CNTN5: variants seen among roughly 807,000 people sequenced by gnomAD.
CNTN5 encodes the protein contactin 5.
CNTN5 carries 77 observed loss-of-function variants against 129.1 expected under a neutral mutation model. The observed-to-expected ratio is 0.60, with a 90% CI of 0.50 to 0.72. The LOEUF is 0.72. Ranked by LOEUF, CNTN5 falls within the 30% of genes least tolerant of loss-of-function variation. The probability of loss-of-function intolerance (pLI) is 0.00; values close to 1 mark genes in which losing one functional copy is unlikely to be tolerated. For synonymous variants in CNTN5, 509 were observed against 465.6 expected, an observed-to-expected ratio of 1.09 and a Z score of -1.20; for missense variants, 1,478 against 1,328.8, an observed-to-expected ratio of 1.11 and a Z score of -1.75.
At chr11:99,797,116 T>C (rs1945969166) in intron 3 of CNTN5, among the ~76,000 whole-genome samples, 1 of 152,150 alleles carries the variant, frequency 6.6e-6, no homozygotes, top group Admixed American at 6.6e-5. Context: ...GTCAGCCATC[T>C]TGACACTGTA....
At chr11:99,956,713 T>C in intron 7 of CNTN5, 93 bp from the exon 8 acceptor site, 1 of 829,360 alleles carries the variant, frequency 1.2e-6, no homozygotes, top group Non-Finnish European at 2.0e-6. Flanking sequence ...CCTTGCAATA[T>C]ATCTAATGCT....
At chr11:99,156,374 C>T (rs533288938) in intron 1 of CNTN5, among the ~76,000 whole-genome samples, 16 of 151,988 alleles carry the variant, frequency 1.1e-4, no homozygotes, top group African/African-American at 2.6e-4. Flanking sequence ...TTTTTATCAT[C>T]GAAGTAGCCA....
At chr11:99,128,329 G>T (rs1463277080) in intron 1 of CNTN5, among the ~76,000 whole-genome samples, 2 of 152,190 alleles carry the variant, frequency 1.3e-5, no homozygotes, top group East Asian at 3.9e-4. Context: ...GGGATGTTTG[G>T]ACTGGGTGGT....
chr11:99,508,201 G>A (rs945171976), intron 2 of CNTN5, among the ~76,000 whole-genome samples: 2 of 152,076 alleles, frequency 1.3e-5, no homozygotes, highest in South Asian at 2.1e-4. Flanking sequence ...GAGCCACTCC[G>A]TTGTAAAATG....
intron 1 of CNTN5, among the ~76,000 whole-genome samples, chr11:99,166,835 CAT>C (rs1233883054): frequency 6.1e-5 from 7 of 115,164 alleles, no homozygotes; most frequent in African/African-American, 1.5e-4. Context: ...GTTTGAAGAA[CAT>C]ATTTCGTTGA....
At chr11:99,940,585 T>A (rs1269917972) in intron 7 of CNTN5, among the ~76,000 whole-genome samples, 3 of 152,184 alleles carry the variant, frequency 2.0e-5, no homozygotes, top group African/African-American at 7.2e-5. Context: ...AGTCACCTTC[T>A]ACATATGCAT....
chr11:99,611,737 C>A (rs1051287007), intron 3 of CNTN5, among the ~76,000 whole-genome samples: 1 of 152,088 alleles, frequency 6.6e-6, no homozygotes, highest in Non-Finnish European at 1.5e-5. Context: ...AATATGCTTC[C>A]TTTTTTCCGT....
At chr11:100,083,226 A>G (rs1944427103) in intron 13 of CNTN5, among the ~76,000 whole-genome samples, 1 of 151,826 alleles carries the variant, frequency 6.6e-6, no homozygotes, top group Non-Finnish European at 1.5e-5. Flanking sequence ...ATGAGGCAGG[A>G]GAATCACTTG....
At chr11:99,743,165 A>G (rs1220932404) in intron 3 of CNTN5, among the ~76,000 whole-genome samples, 2 of 152,198 alleles carry the variant, frequency 1.3e-5, no homozygotes, top group Admixed American at 6.5e-5. Flanking sequence ...ACAATGAAGA[A>G]TCTCAATTAT....
chr11:99,488,503 G>T (rs1052421834), intron 2 of CNTN5, among the ~76,000 whole-genome samples: 1 of 151,994 alleles, frequency 6.6e-6, no homozygotes, highest in African/African-American at 2.4e-5. Context: ...CTACTGTGTG[G>T]CTTTCTTATC....
At chr11:99,913,934 G>A (rs1949723747) in intron 6 of CNTN5, among the ~76,000 whole-genome samples, 1 of 152,014 alleles carries the variant, frequency 6.6e-6, no homozygotes, top group Admixed American at 6.6e-5. Context: ...ATGAAAAGAG[G>A]AAAGTGAAAC....
At chr11:99,999,721 A>G (rs61909174) in intron 8 of CNTN5, among the ~76,000 whole-genome samples, 18,801 of 151,848 alleles carry the variant, frequency 0.12, 1,508 homozygotes, top group Non-Finnish European at 0.17. Context: ...TGTTTATTGC[A>G]GCACTATTCA....
intron 16 of CNTN5, among the ~76,000 whole-genome samples, chr11:100,243,784 C>G (rs897550957): frequency 2.6e-5 from 4 of 152,112 alleles, no homozygotes; most frequent in Non-Finnish European, 5.9e-5. Flanking sequence ...ACTGATTCCC[C>G]ATCATGTAGT....
In CNTN5 at chr11:99,868,679, G is replaced by A. The variant is rs1190577242; in HGVS notation, c.577+23417G>A. ...GGCGAAAAGGGAGTGAATGGAAGTA[G>A]GAAGTGGTAAACAGCATGGTGTGTA... On this transcript the variant is annotated intron_variant, in intron 6 of 24. Coordinates refer to ENST00000524871, the MANE Select transcript of CNTN5 (RefSeq NM_014361.4). Among the ~76,000 whole-genome samples, 3 of 152,330 alleles carry A rather than the reference G, an allele frequency of 2.0e-5. 1 individual carries two copies. The highest frequency in any genetic ancestry group is 7.2e-5 in the African/African-American group (3 of 41,580).
chr11:99,677,237 T>C (rs542565576), intron 3 of CNTN5, among the ~76,000 whole-genome samples: 1 of 152,118 alleles, frequency 6.6e-6, no homozygotes, highest in Non-Finnish European at 1.5e-5. Context: ...AAATAATGTA[T>C]CTTGTTTTCT....
chr11:100,229,650 G>A (rs975099723), intron 16 of CNTN5, among the ~76,000 whole-genome samples: 1 of 152,200 alleles, frequency 6.6e-6, no homozygotes, highest in East Asian at 1.9e-4. Flanking sequence ...CCTTGAGCAT[G>A]TTTCTAATAT....
At chr11:99,650,347 G>A (rs1293827397) in intron 3 of CNTN5, among the ~76,000 whole-genome samples, 3 of 151,812 alleles carry the variant, frequency 2.0e-5, no homozygotes, top group Non-Finnish European at 2.9e-5. Flanking sequence ...TGAACTCTAA[G>A]CAAGTGGAGT....
intron 3 of CNTN5, among the ~76,000 whole-genome samples, chr11:99,635,778 G>T (rs538379862): frequency 6.6e-6 from 1 of 152,044 alleles, no homozygotes; most frequent in Non-Finnish European, 1.5e-5. Context: ...GTATGTTCAT[G>T]TCAGTTTTGT....
intron 21 of CNTN5, among the ~76,000 whole-genome samples, chr11:100,324,185 G>C (rs1355821564): frequency 1.3e-5 from 2 of 152,136 alleles, no homozygotes; most frequent in African/African-American, 2.4e-5. Flanking sequence ...ATTAGTAGCA[G>C]TAACAAATAG....
Sources: allele counts gnomAD v4.1 joint callset (sites outside exome capture counted in the v4.1 genomes callset), GRCh38; gene constraint gnomAD v4.1.1; transcripts MANE v1.5; gene names NCBI Gene and HGNC (gene_info 2026-07-23, HGNC 2026-07-21).